Variants in DIAPH3 observed in about 807,000 individuals in gnomAD.
DIAPH3 encodes the protein diaphanous related formin 3.
Under a neutral mutation model 144.3 loss-of-function variants are expected in DIAPH3, and 117 were observed. The ratio of observed to expected loss-of-function variants is 0.81; its 90% confidence interval spans 0.70 to 0.95. The LOEUF is 0.95. Among genes scored for constraint, DIAPH3 ranks in the 40% least tolerant of loss-of-function variants. DIAPH3 has a pLI of 0.00. For synonymous variants in DIAPH3, 519 were observed against 488.9 expected, an observed-to-expected ratio of 1.06 and a Z score of -0.81; for missense variants, 1,421 against 1,412.7, an observed-to-expected ratio of 1.01 and a Z score of -0.09.
chr13:59,943,538 T>C (rs1057291376), intron 17 of DIAPH3, among the ~76,000 whole-genome samples: 9 of 152,272 alleles, frequency 5.9e-5, no homozygotes, highest in Admixed American at 2.6e-4. Flanking sequence ...GTTCATTCAT[T>C]CACTCACTCA....
At chr13:59,765,267 G>A (rs1207413641) in intron 27 of DIAPH3, among the ~76,000 whole-genome samples, 1 of 152,068 alleles carries the variant, frequency 6.6e-6, no homozygotes, top group Non-Finnish European at 1.5e-5. Flanking sequence ...CATTCTATGT[G>A]CCATTCTTGT....
intron 27 of DIAPH3, among the ~76,000 whole-genome samples, chr13:59,718,998 C>T (rs2035201382): frequency 6.6e-6 from 1 of 152,070 alleles, no homozygotes; most frequent in South Asian, 2.1e-4. Flanking sequence ...ATAATGATGA[C>T]TGATAGTCCA....
At chr13:59,846,072 A>G (rs763225262) in intron 22 of DIAPH3, among the ~76,000 whole-genome samples, 3 of 152,212 alleles carry the variant, frequency 2.0e-5, no homozygotes, top group Non-Finnish European at 4.4e-5. Flanking sequence ...TGATAATTAT[A>G]CACCAGAGGT....
chr13:60,137,258 A>G (rs1380675216), intron 1 of DIAPH3, among the ~76,000 whole-genome samples: 1 of 152,218 alleles, frequency 6.6e-6, no homozygotes, highest in Non-Finnish European at 1.5e-5. Context: ...GGGGGAAAAA[A>G]GTAGAAACAC....
At chr13:59,751,028 TG>T (rs2036981663) in intron 27 of DIAPH3, among the ~76,000 whole-genome samples, 1 of 152,268 alleles carries the variant, frequency 6.6e-6, no homozygotes, top group Admixed American at 6.5e-5. Context: ...AGCAGCCGGT[TG>T]CCTTCAGCAG....
At chr13:59,840,999 A>G (rs1206508450) in intron 22 of DIAPH3, among the ~76,000 whole-genome samples, 1 of 152,092 alleles carries the variant, frequency 6.6e-6, no homozygotes, top group East Asian at 1.9e-4. Context: ...GTGGTAACAT[A>G]TATTTCCTAT....
chr13:59,684,653 C>G (rs148206858), intron 27 of DIAPH3, among the ~76,000 whole-genome samples: 104 of 152,202 alleles, frequency 6.8e-4, no homozygotes, highest in Admixed American at 9.2e-4. Flanking sequence ...GTTTGGGCCT[C>G]TTTTCTGATG....
intron 22 of DIAPH3, among the ~76,000 whole-genome samples, chr13:59,846,387 T>C (rs1301501209): frequency 6.6e-6 from 1 of 152,114 alleles, no homozygotes; most frequent in Admixed American, 6.6e-5. Context: ...GAACAACTTA[T>C]TACCATAGAC....
At chr13:60,101,883 T>A (rs764934709) in intron 3 of DIAPH3, among the ~76,000 whole-genome samples, 1 of 152,194 alleles carries the variant, frequency 6.6e-6, no homozygotes, top group African/African-American at 2.4e-5. Context: ...TTTCTTCCAA[T>A]GCAGGCCACT....
At chr13:60,085,907 A>C (rs2057730257) in intron 4 of DIAPH3, among the ~76,000 whole-genome samples, 1 of 152,118 alleles carries the variant, frequency 6.6e-6, no homozygotes, top group Non-Finnish European at 1.5e-5. Context: ...GCCAAGAAAC[A>C]ACTCAGTGAC....
At chr13:59,822,678 G>T (rs766513475) in intron 24 of DIAPH3, among the ~76,000 whole-genome samples, 8 of 151,832 alleles carry the variant, frequency 5.3e-5, no homozygotes, top group Admixed American at 5.2e-4. Flanking sequence ...TCCTGACCTC[G>T]TGATCCACCC....
intron 5 of DIAPH3, among the ~76,000 whole-genome samples, chr13:60,032,062 T>C (rs892409004): frequency 9.8e-4 from 149 of 152,306 alleles, no homozygotes; most frequent in African/African-American, 3.3e-3. Flanking sequence ...AATAATCTTC[T>C]TGACTCTGTG....
At chr13:59,882,580 T>A (rs533679234) in intron 20 of DIAPH3, among the ~76,000 whole-genome samples, 1 of 152,284 alleles carries the variant, frequency 6.6e-6, no homozygotes, top group African/African-American at 2.4e-5. Flanking sequence ...ACTTCTGACT[T>A]GTCTAAGACT....
chr13:59,980,905 C>T (rs1337096260), intron 13 of DIAPH3, 46 bp from the exon 14 acceptor site: 7 of 1,462,684 alleles, frequency 4.8e-6, no homozygotes, highest in African/African-American at 2.8e-5. Context: ...ACTTCTTAAA[C>T]TCATTATGAC....
At position 59,992,277 on chromosome 13, in the gene DIAPH3, A is replaced by G. The variant is rs191893188; in HGVS notation, c.1126-91T>C. 6.0e-5 allele frequency: 69 copies of G among 1,152,670 alleles called. No homozygotes were observed. The Admixed American group carries it at 7.3e-4, about 12-fold the overall frequency. The allele number at this position is 1,152,670 out of a possible 1,614,324, so 71.4% of individuals were successfully genotyped here. ...CATATAAACAATAAACCAACCATTC[A>G]ACTTGATTTATAGCATTCGAACATT... On this transcript the variant is annotated intron_variant, in intron 10 of 27. Coordinates refer to ENST00000400324, the MANE Select transcript of DIAPH3 (RefSeq NM_001042517.2).
intron 20 of DIAPH3, among the ~76,000 whole-genome samples, chr13:59,882,988 C>T (rs1422111207): frequency 6.6e-6 from 1 of 152,082 alleles, no homozygotes; most frequent in Non-Finnish European, 1.5e-5. Flanking sequence ...AATCAAGAAG[C>T]AATATCCAGA....
At chr13:59,691,313 C>T (rs1184823264) in intron 27 of DIAPH3, among the ~76,000 whole-genome samples, 2 of 152,148 alleles carry the variant, frequency 1.3e-5, no homozygotes, top group Non-Finnish European at 2.9e-5. Flanking sequence ...TTACTCATAT[C>T]ATTAGTCTTG....
intron 2 of DIAPH3, among the ~76,000 whole-genome samples, chr13:60,115,823 T>C (rs905460680): frequency 6.6e-6 from 1 of 152,130 alleles, no homozygotes; most frequent in African/African-American, 2.4e-5. Context: ...TTATTGCAAA[T>C]CTACAAAAAT....
chr13:59,990,194 AAG>A (rs900245549), intron 12 of DIAPH3, among the ~76,000 whole-genome samples: 15 of 151,946 alleles, frequency 9.9e-5, no homozygotes, highest in African/African-American at 3.4e-4. Flanking sequence ...TCTGGCTACA[AAG>A]AGAGTAATTT....
Sources: allele counts gnomAD v4.1 joint callset (sites outside exome capture counted in the v4.1 genomes callset), GRCh38; gene constraint gnomAD v4.1.1; transcripts MANE v1.5; gene names NCBI Gene and HGNC (gene_info 2026-07-23, HGNC 2026-07-21).